Variants in IQCE observed in about 807,000 individuals in gnomAD.
IQCE encodes IQ domain-containing protein E.
Under a neutral mutation model 96.0 loss-of-function variants are expected in IQCE, and 115 were observed. That is an observed-to-expected ratio of 1.20 (90% CI 1.03 to 1.40). The LOEUF (loss-of-function observed/expected upper bound fraction) is 1.40, where lower values mean the gene tolerates loss of function less well. IQCE is among the 40% of genes most tolerant of loss of function. The probability of loss-of-function intolerance (pLI) is 0.00; values close to 1 mark genes in which losing one functional copy is unlikely to be tolerated. For missense variants in IQCE, 1,041 were observed against 909.1 expected, an observed-to-expected ratio of 1.15 and a Z score of -1.87; for synonymous variants, 412 against 371.2, an observed-to-expected ratio of 1.11 and a Z score of -1.26.
At chr7:2,576,558 C>A (rs1782138523) in intron 6 of IQCE, among the ~76,000 whole-genome samples, 1 of 152,068 alleles carries the variant, frequency 6.6e-6, no homozygotes, top group Admixed American at 6.6e-5. Context: ...TGCCACCACA[C>A]CTGGCTAATT....
intron 16 of IQCE, chr7:2,597,104 G>A (rs997226184): frequency 4.2e-6 from 2 of 470,774 alleles, no homozygotes; most frequent in Admixed American, 2.3e-5. Flanking sequence ...CCTGGGCCAG[G>A]GCCTTTATCA....
chr7:2,584,052 G>C (rs893318807), intron 10 of IQCE, among the ~76,000 whole-genome samples, 184 bp from the exon 11 acceptor site: 1 of 152,048 alleles, frequency 6.6e-6, no homozygotes, highest in Non-Finnish European at 1.5e-5. Flanking sequence ...GCCGAGCCCA[G>C]GTGGCCCAGA....
At chr7:2,600,425 C>T (rs1179405860) in intron 17 of IQCE, among the ~76,000 whole-genome samples, 1 of 152,232 alleles carries the variant, frequency 6.6e-6, no homozygotes, top group Non-Finnish European at 1.5e-5. Flanking sequence ...CGGCAGTCTA[C>T]AGGGGAGAGT....
At chr7:2,572,391 G>T in intron 5 of IQCE, 65 bp downstream of exon 5, 1 of 1,523,358 alleles carries the variant, frequency 6.6e-7, no homozygotes, top group Non-Finnish European at 8.9e-7. Flanking sequence ...ACAGTCTCTG[G>T]GCTGGAGGCG....
intron 8 of IQCE, among the ~76,000 whole-genome samples, 157 bp from the exon 9 acceptor site, chr7:2,582,423 G>C (rs1782746694): frequency 6.6e-6 from 1 of 152,178 alleles, no homozygotes; most frequent in African/African-American, 2.4e-5. Context: ...AGCACAGTGG[G>C]GCCCTCCCTC....
Position 2,586,206 on chromosome 7 carries a change from AG to A in IQCE, c.825del, listed in dbSNP as rs1562650765. On this transcript the variant is annotated splice_acceptor_variant, in intron 11 of 21. Coordinates refer to ENST00000402050, the MANE Select transcript of IQCE (RefSeq NM_152558.5). LOFTEE classifies it high-confidence loss of function. ...CCTCAGTCCACGATTTGGTTGTTCCAGGCCCCTGGGGGAGAAGAAGACGGGC... is the reference window on the plus strand; with the variant it reads ...CCTCAGTCCACGATTTGGTTGTTCCAGCCCCTGGGGGAGAAGAAGACGGGC... 6.2e-7 allele frequency: 1 copy of A among 1,612,050 alleles called. No individual in the cohort carries two copies. The highest frequency in any genetic ancestry group is 1.1e-5 in the South Asian group (1 of 90,880).
intron 13 of IQCE, among the ~76,000 whole-genome samples, chr7:2,588,395 C>A (rs1210246415): frequency 2.0e-5 from 3 of 151,488 alleles, no homozygotes; most frequent in African/African-American, 7.3e-5. Flanking sequence ...CACTCTGTCC[C>A]CAGGCTGGAG....
At chr7:2,607,602 G>A (rs1317383670) in intron 21 of IQCE, 10 of 1,151,796 alleles carry the variant, frequency 8.7e-6, no homozygotes, top group Middle Eastern at 3.4e-4. Context: ...TGAAGAAGCC[G>A]CTGGCACTGC....
chr7:2,580,424 A>T (rs1294250603), intron 8 of IQCE, among the ~76,000 whole-genome samples: 1 of 152,140 alleles, frequency 6.6e-6, no homozygotes, highest in Non-Finnish European at 1.5e-5. Flanking sequence ...AGCCTGGCCA[A>T]CATGGTGAAG....
chr7:2,577,919 C>T (rs1467611231), intron 6 of IQCE, among the ~76,000 whole-genome samples: 16 of 114,810 alleles, frequency 1.4e-4, no homozygotes, highest in African/African-American at 4.2e-4. Flanking sequence ...GCTGTGCGCG[C>T]GGGGACGTGT....
In IQCE at chr7:2,575,664, C is replaced by T. The variant is rs558988603; in HGVS notation, c.465+2176C>T. 1.3e-3 allele frequency among the ~76,000 whole-genome samples: 197 copies of T among 152,294 alleles called. 2 individuals are homozygous for T. Among genetic ancestry groups the T allele is most frequent in the African/African-American group, 4.6e-3 (193 of 41,568 alleles). On this transcript the variant is annotated intron_variant, in intron 6 of 21. Coordinates refer to ENST00000402050, the MANE Select transcript of IQCE (RefSeq NM_152558.5). Reference sequence around the variant, plus strand: ...CTGCCTGGGGTAGAGCGGTTCCTGCCTGTCGGTTTCTGCCTTGTCGGTCTG... The same window carrying T: ...CTGCCTGGGGTAGAGCGGTTCCTGCTTGTCGGTTTCTGCCTTGTCGGTCTG...
rs1046686374 is a variant in IQCE, at chr7:2,612,061, G to A, written c.*1899G>A. 11 of 152,154 alleles carry A rather than the reference G, an allele frequency of 7.2e-5. No individual in the cohort carries two copies. The highest frequency in any genetic ancestry group is 1.2e-4 in the Non-Finnish European group (8 of 68,042). 9.4% of individuals were successfully genotyped at this position (152,154 alleles called of 1,614,324 possible). ...GCACATTCGCTGGGGGAGACCCTCC[G>A]TTCTCTTGTGGCAGCTGCTCCCACT... is the stretch of plus-strand genomic sequence containing the variant. On this transcript the variant is annotated 3_prime_UTR_variant, in exon 22 of 22. Coordinates refer to ENST00000402050, the MANE Select transcript of IQCE (RefSeq NM_152558.5).
intron 18 of IQCE, 26 bp downstream of exon 18, chr7:2,601,490 A>C: frequency 6.5e-7 from 1 of 1,549,454 alleles, no homozygotes; most frequent in East Asian, 2.2e-5. Flanking sequence ...TTCTTGTTTC[A>C]AAATTCGGAT....
In IQCE at chr7:2,594,930, A is replaced by G; in HGVS notation, c.1394A>G (p.Glu465Gly). 6.2e-7 allele frequency: 1 copy of G among 1,614,104 alleles called. No individual in the cohort carries two copies. The highest frequency in any genetic ancestry group is 1.1e-5 in the South Asian group (1 of 91,084). Residue 465 changes from glutamate to glycine, a missense_variant, in exon 16 of 22, where the codon GAA becomes GGA. By Grantham distance (98) the Glu-to-Gly change is moderately conservative (BLOSUM62 -2). Coordinates refer to ENST00000402050, the MANE Select transcript of IQCE (RefSeq NM_152558.5). ...ACCAGCAAGCTCCAAGAATTGCAAG[A>G]AATGAAGAAAGAAGAGAAAGAGGAT... The part of the protein sequence containing the change: ...TLTSKLQELQ[E>G]MKKEEKEDCP...
At chr7:2,605,395 T>C (rs1784730390) in intron 19 of IQCE, among the ~76,000 whole-genome samples, 1 of 151,984 alleles carries the variant, frequency 6.6e-6, no homozygotes, top group African/African-American at 2.4e-5. Context: ...CCGAGGCAGG[T>C]GGATCACAAG....
chr7:2,606,054 G>A (rs371891718), intron 20 of IQCE, 57 bp downstream of exon 20: 236 of 1,548,936 alleles, frequency 1.5e-4, no homozygotes, highest in East Asian at 1.4e-3. Flanking sequence ...GCTGCCCACC[G>A]CACTGGGCCC....
intron 13 of IQCE, 105 bp from the exon 14 acceptor site, chr7:2,589,802 T>C: frequency 9.0e-7 from 1 of 1,111,558 alleles, no homozygotes; most frequent in Admixed American, 1.8e-5. Context: ...CTCATGGCCC[T>C]GCTGGAGACT....
chr7:2,593,471 C>T (rs915950509), intron 15 of IQCE, among the ~76,000 whole-genome samples: 2 of 152,278 alleles, frequency 1.3e-5, no homozygotes, highest in Admixed American at 1.3e-4. Flanking sequence ...ACAGTAATGC[C>T]ATTCGCGAGA....
intron 1 of IQCE, among the ~76,000 whole-genome samples, chr7:2,566,119 A>G (rs1023820669): frequency 3.3e-5 from 5 of 152,174 alleles, no homozygotes; most frequent in Non-Finnish European, 4.4e-5. Context: ...CTCCACCCCA[A>G]GCTGTAGAAC....
Sources: gnomAD v4.1 joint callset for allele counts (sites outside exome capture counted in the v4.1 genomes callset) on GRCh38, gnomAD v4.1.1 for gene constraint, MANE v1.5 for transcripts, NCBI Gene and HGNC (gene_info 2026-07-23, HGNC 2026-07-21) for gene names.